Variants in PIAS2 observed in about 807,000 individuals in gnomAD.
The protein encoded by PIAS2 is protein inhibitor of activated STAT 2.
In PIAS2, 19 loss-of-function variants were observed where a neutral mutation model predicts 69.7. The observed-to-expected ratio is 0.27, with a 90% confidence interval of 0.19 to 0.40. PIAS2 has a LOEUF of 0.40. Ranked by LOEUF, PIAS2 falls within the 10% of genes least tolerant of loss-of-function variation. The probability of loss-of-function intolerance (pLI) is 1.00; values close to 1 mark genes in which losing one functional copy is unlikely to be tolerated. For synonymous variants in PIAS2, 261 were observed against 263.2 expected, an observed-to-expected ratio of 0.99 and a Z score of 0.08; for missense variants, 624 against 757.0, an observed-to-expected ratio of 0.82 and a Z score of 2.06.
At chr18:46,877,274 T>C (rs2051368367) in intron 2 of PIAS2, among the ~76,000 whole-genome samples, 1 of 152,170 alleles carries the variant, frequency 6.6e-6, no homozygotes, top group African/African-American at 2.4e-5. Flanking sequence ...AGAGGAAGAA[T>C]TATAAAAATC....
intron 3 of PIAS2, among the ~76,000 whole-genome samples, chr18:46,856,347 T>C (rs1368924095): frequency 6.6e-6 from 1 of 152,106 alleles, no homozygotes; most frequent in African/African-American, 2.4e-5. Flanking sequence ...ATATTCTTAT[T>C]GATCTCAAGT....
At position 46,844,751 on chromosome 18, in the gene PIAS2, T is replaced by C. The variant is rs1243718784; in HGVS notation, c.950A>G (p.Asp317Gly). Residue 317 changes from aspartate (D) to glycine (G), a missense_variant, in exon 7 of 14, where the codon GAT becomes GGT. Around this residue, in one of 3 missense-constraint regions of PIAS2, gnomAD observed 339 missense variants for 408.8 expected, o/e 0.83. Transcript: ENST00000585916. ...TTACTTACTTAGTGCTCTGGAATGATCAGGGTTTCTAATACCTTTCATTTT... is the reference window on the plus strand; with the variant it reads ...TTACTTACTTAGTGCTCTGGAATGACCAGGGTTTCTAATACCTTTCATTTT... ...RLKMKGIRNP[D>G]HSRALIKEKL... 1 of 1,432,050 alleles carries C rather than the reference T, an allele frequency of 7.0e-7. No individual in the cohort carries two copies. The highest frequency in any genetic ancestry group is 2.6e-5 in the Admixed American group (1 of 38,774). The allele number at this position is 1,432,050 out of a possible 1,614,324, so 88.7% of individuals were successfully genotyped here. A position where few individuals can be genotyped will look rare whatever the true frequency, so the allele number is the denominator to read the frequency against.
intron 3 of PIAS2, among the ~76,000 whole-genome samples, chr18:46,858,603 GGGAGGATCA>G (rs1186636979): frequency 6.6e-6 from 1 of 152,162 alleles, no homozygotes; most frequent in African/African-American, 2.4e-5. Context: ...AGGCTAAGGT[GGGAGGATCA>G]ATTGAGCCCG....
upstream of PIAS2, chr18:46,917,530 C>G: frequency 8.7e-7 from 1 of 1,150,772 alleles, no homozygotes; most frequent in Non-Finnish European, 1.1e-6. Context: ...AGCTCCGCCT[C>G]CGACGCGCCG....
At chr18:46,827,566 A>T (rs1393904459) in intron 11 of PIAS2, 1 of 158,922 alleles carries the variant, frequency 6.3e-6, no homozygotes, top group African/African-American at 2.4e-5. Context: ...CAAATTAAGT[A>T]TTTCATCTAA....
intron 2 of PIAS2, among the ~76,000 whole-genome samples, 159 bp from the exon 3 acceptor site, chr18:46,864,407 T>C (rs1439001025): frequency 6.6e-6 from 1 of 152,190 alleles, no homozygotes; most frequent in Non-Finnish European, 1.5e-5. Context: ...GCATTCATCT[T>C]GGAATCATGA....
chr18:46,917,539 C>G (rs2058128231), upstream of PIAS2: 2 of 1,139,106 alleles, frequency 1.8e-6, no homozygotes, highest in East Asian at 8.9e-5. Flanking sequence ...TCCGACGCGC[C>G]GAAGCCCCGC....
intron 1 of PIAS2, among the ~76,000 whole-genome samples, chr18:46,908,291 T>C: frequency 6.6e-6 from 1 of 152,156 alleles, no homozygotes; most frequent in East Asian, 1.9e-4. Context: ...TTGTTTATGC[T>C]AGCAGCAGCA....
At chr18:46,844,192 GAAAT>G in intron 7 of PIAS2, 65 bp from the exon 8 acceptor site, 1 of 741,968 alleles carries the variant, frequency 1.3e-6, no homozygotes, top group Admixed American at 2.9e-5. Flanking sequence ...TGGAATTATA[GAAAT>G]ATATAGCATC....
chr18:46,852,546 A>C (rs1320365538), intron 5 of PIAS2: 1 of 152,180 alleles, frequency 6.6e-6, no homozygotes, highest in African/African-American at 2.4e-5. Context: ...TAATACAAGT[A>C]ATCAGGGGTT....
chr18:46,813,369 A>G (rs2041172266), intron 13 of PIAS2, among the ~76,000 whole-genome samples: 1 of 152,202 alleles, frequency 6.6e-6, no homozygotes, highest in African/African-American at 2.4e-5. Flanking sequence ...ACTGATCCCA[A>G]ACAAGTACAA....
chr18:46,867,547 G>C (rs1358440717), intron 2 of PIAS2, among the ~76,000 whole-genome samples: 1 of 152,136 alleles, frequency 6.6e-6, no homozygotes, highest in African/African-American at 2.4e-5. Context: ...TTGGGAATCA[G>C]AAAACCAATT....
At chr18:46,856,278 G>C (rs1484697380) in intron 3 of PIAS2, among the ~76,000 whole-genome samples, 1 of 151,866 alleles carries the variant, frequency 6.6e-6, no homozygotes, top group Non-Finnish European at 1.5e-5. Context: ...CTCATTACAG[G>C]CATGAGACAC....
At chr18:46,912,692 T>C (rs2057395966) in intron 1 of PIAS2, among the ~76,000 whole-genome samples, 1 of 152,116 alleles carries the variant, frequency 6.6e-6, no homozygotes, top group Non-Finnish European at 1.5e-5. Flanking sequence ...TTTTTTTGAG[T>C]TGAAAAAATA....
rs987940221 is a variant in PIAS2, at chr18:46,827,977, T to C, written c.1490A>G (p.Gln497Arg). The C allele has an allele frequency of 6.2e-7, 1 of 1,613,806 alleles. No homozygotes were observed. The highest frequency in any genetic ancestry group is 8.5e-7 in the Non-Finnish European group (1 of 1,179,846). The change falls in exon 11 of 14, where the codon CAA becomes CGA. Residue 497 changes from glutamine (Q) to arginine (R), a missense_variant. This residue lies in a region of PIAS2 where 241 missense variants were observed against 257.3 expected (regional missense o/e 0.94). Coordinates refer to ENST00000585916, the MANE Select transcript of PIAS2 (RefSeq NM_004671.5). ...KRKCIFMSET[Q>R]SSPTKGVLMY... The stretch of plus-strand genomic sequence containing the variant: ...AACAAACCCTTTGGTTGGGCTGCTT[T>C]GTGTTTCTGACATAAAGATGCATTT...
At chr18:46,842,671 G>A (rs1396395485) in intron 8 of PIAS2, among the ~76,000 whole-genome samples, 1 of 152,140 alleles carries the variant, frequency 6.6e-6, no homozygotes, top group African/African-American at 2.4e-5. Context: ...TAACATGAGA[G>A]CGAAGAAAAG....
intron 2 of PIAS2, among the ~76,000 whole-genome samples, chr18:46,889,327 A>C (rs2094702190): frequency 6.6e-6 from 1 of 152,236 alleles, no homozygotes; most frequent in African/African-American, 2.4e-5. Context: ...AAATATTTGC[A>C]CATTCATATA....
chr18:46,816,246 C>T (rs2041522294), intron 12 of PIAS2: 1 of 983,924 alleles, frequency 1.0e-6, no homozygotes, highest in Admixed American at 6.2e-5. Context: ...GAAAGTCTGA[C>T]ATTATGCTTT....
At chr18:46,833,789 C>A (rs775814297) in intron 9 of PIAS2, among the ~76,000 whole-genome samples, 2 of 152,112 alleles carry the variant, frequency 1.3e-5, no homozygotes, top group South Asian at 4.1e-4. Flanking sequence ...AATAGCAGTT[C>A]AGAAGTTAAC....
Sources: gnomAD v4.1 joint callset for allele counts (sites outside exome capture counted in the v4.1 genomes callset) on GRCh38, gnomAD v4.1.1 for gene constraint, gnomAD v4.1.1 regional missense constraint, MANE v1.5 for transcripts, NCBI Gene and HGNC (gene_info 2026-07-23, HGNC 2026-07-21) for gene names.